GNAL: variants seen among roughly 807,000 people sequenced by gnomAD.
GNAL encodes guanine nucleotide-binding protein G(olf) subunit alpha.
In GNAL, 18 loss-of-function variants were observed where a neutral mutation model predicts 55.1. That is an observed-to-expected ratio of 0.33 (90% CI 0.23 to 0.48). The LOEUF (loss-of-function observed/expected upper bound fraction) is 0.48. Among genes scored for constraint, GNAL ranks in the 20% least tolerant of loss-of-function variants. GNAL has a pLI of 0.99. For missense variants in GNAL, 412 were observed against 614.1 expected (o/e 0.67, Z 3.48); for synonymous variants, 253 against 237.0 (o/e 1.07, Z -0.62).
At chr18:11,875,912 T>C (rs904344417) in intron 10 of GNAL, among the ~76,000 whole-genome samples, 2 of 152,178 alleles carry the variant, frequency 1.3e-5, no homozygotes, top group African/African-American at 4.8e-5. Flanking sequence ...CTCTGCTTCA[T>C]AGATGGCACT....
At chr18:11,726,549 C>T (rs111863038) in intron 1 of GNAL, among the ~76,000 whole-genome samples, 5 of 152,340 alleles carry the variant, frequency 3.3e-5, no homozygotes, top group African/African-American at 7.2e-5. Flanking sequence ...GGCACCTCCT[C>T]GCGCCCTGGG....
At chr18:11,755,189 C>T (rs924165841) in intron 4 of GNAL, among the ~76,000 whole-genome samples, 1 of 152,198 alleles carries the variant, frequency 6.6e-6, no homozygotes, top group South Asian at 2.1e-4. Flanking sequence ...GGCTGTGGCC[C>T]CTGGCTCACC....
intron 4 of GNAL, among the ~76,000 whole-genome samples, chr18:11,802,749 G>A (rs750975859): frequency 2.0e-5 from 3 of 152,248 alleles, no homozygotes; most frequent in African/African-American, 4.8e-5. Flanking sequence ...TGGCTGATGC[G>A]TGGGTGGGAA....
At chr18:11,754,054 G>A (rs989208667) in intron 4 of GNAL, 109 bp downstream of exon 4, 166 of 812,648 alleles carry the variant, frequency 2.0e-4, no homozygotes, top group Non-Finnish European at 8.0e-5. Context: ...AACTTTCTTC[G>A]AAATCCAGCT....
At chr18:11,699,063 G>A (rs897762534) in intron 1 of GNAL, among the ~76,000 whole-genome samples, 4 of 152,158 alleles carry the variant, frequency 2.6e-5, no homozygotes, top group Non-Finnish European at 4.4e-5. Flanking sequence ...GATATTGAAA[G>A]TGATAATCAG....
intron 1 of GNAL, among the ~76,000 whole-genome samples, chr18:11,705,352 T>C (rs2031682917): frequency 4.6e-5 from 7 of 152,238 alleles, no homozygotes. Flanking sequence ...TCTTCATTCA[T>C]CTTCCAGTGG....
At chr18:11,728,131 T>C (rs1289092885) in intron 1 of GNAL, among the ~76,000 whole-genome samples, 3 of 152,080 alleles carry the variant, frequency 2.0e-5, no homozygotes, top group Non-Finnish European at 4.4e-5. Context: ...GGAGGATCCC[T>C]TGAGCCCAGG....
chr18:11,795,853 A>C (rs1211712942), intron 4 of GNAL, among the ~76,000 whole-genome samples: 4 of 152,222 alleles, frequency 2.6e-5, no homozygotes, highest in African/African-American at 9.6e-5. Context: ...GACTCCACTA[A>C]GAATGAAAAC....
At chr18:11,866,588 G>C (rs1379842310) in intron 7 of GNAL, among the ~76,000 whole-genome samples, 1 of 150,532 alleles carries the variant, frequency 6.6e-6, no homozygotes, top group Non-Finnish European at 1.5e-5. Context: ...GGCTGAGCGA[G>C]ACCGGGAAGC....
chr18:11,784,597 A>G (rs2143381375), intron 4 of GNAL, among the ~76,000 whole-genome samples: 1 of 152,364 alleles, frequency 6.6e-6, no homozygotes, highest in Non-Finnish European at 1.5e-5. Flanking sequence ...TATTTTCTGC[A>G]TGAAATTTTT....
intron 5 of GNAL, among the ~76,000 whole-genome samples, chr18:11,855,483 A>C (rs2035985019): frequency 6.6e-6 from 1 of 152,240 alleles, no homozygotes; most frequent in Non-Finnish European, 1.5e-5. Flanking sequence ...AGACTGGATT[A>C]ATTCACAAAA....
intron 10 of GNAL, among the ~76,000 whole-genome samples, chr18:11,873,738 G>A (rs3016953): frequency 6.6e-6 from 1 of 152,232 alleles, no homozygotes; most frequent in South Asian, 2.1e-4. Context: ...GGCTTCTGCT[G>A]CGCTTTCTGT....
At chr18:11,808,971 G>A (rs1370771527) in intron 4 of GNAL, among the ~76,000 whole-genome samples, 1 of 152,220 alleles carries the variant, frequency 6.6e-6, no homozygotes, top group Admixed American at 6.5e-5. Flanking sequence ...AGACAGAAAG[G>A]AGGGACCAGG....
intron 5 of GNAL, among the ~76,000 whole-genome samples, chr18:11,860,509 G>A (rs373106258): frequency 3.3e-5 from 5 of 152,130 alleles, no homozygotes; most frequent in African/African-American, 1.2e-4. Flanking sequence ...TAACAAAGAC[G>A]GATTAACAGG....
chr18:11,799,127 A>G (rs1274492065), intron 4 of GNAL, among the ~76,000 whole-genome samples: 4 of 151,794 alleles, frequency 2.6e-5, no homozygotes, highest in Non-Finnish European at 4.4e-5. Flanking sequence ...AAAAAAAAAA[A>G]GTTAAATGAA....
intron 1 of GNAL, among the ~76,000 whole-genome samples, chr18:11,724,105 C>G (rs1194171829): frequency 1.3e-5 from 2 of 152,158 alleles, no homozygotes; most frequent in East Asian, 3.8e-4. Flanking sequence ...AGGTTAGAAG[C>G]CTGCATTAGT....
rs1323115165 is a variant in GNAL, at chr18:11,885,287, AGCTGCAGCGTTCTC to A, written c.*4153_*4166del. 1.9e-4 allele frequency: 54 copies of A among 281,190 alleles called. No homozygotes were observed. The highest frequency in any genetic ancestry group is 1.2e-3 in the African/African-American group (53 of 44,246). The allele number at this position is 281,190 out of a possible 1,614,324, so 17.4% of individuals were successfully genotyped here. ...GAAACATCTTTTATCAACCTGCAAA[AGCTGCAGCGTTCTC>A]TGCCAGGTCAAATGGGCATGTTTAG... On this transcript the variant is annotated 3_prime_UTR_variant, in exon 12 of 12. Transcript: ENST00000334049.
chr18:11,826,250 G>T (rs978283147), intron 5 of GNAL, among the ~76,000 whole-genome samples: 1 of 141,894 alleles, frequency 7.0e-6, no homozygotes, highest in African/African-American at 2.5e-5. Context: ...GGAGGAGGAG[G>T]AGCGGGGAGG....
intron 4 of GNAL, among the ~76,000 whole-genome samples, chr18:11,774,586 G>C (rs1007675724): frequency 6.6e-6 from 1 of 152,148 alleles, no homozygotes; most frequent in African/African-American, 2.4e-5. Context: ...TATGGGTGGA[G>C]AATGGTGGCT....
Sources: allele counts gnomAD v4.1 joint callset (sites outside exome capture counted in the v4.1 genomes callset), GRCh38; gene constraint gnomAD v4.1.1; transcripts MANE v1.5; gene names NCBI Gene and HGNC (gene_info 2026-07-23, HGNC 2026-07-21).